Variants in HS3ST5 observed in about 807,000 individuals in gnomAD.
HS3ST5 encodes heparan sulfate glucosamine 3-O-sulfotransferase 5.
HS3ST5 carries 10 observed loss-of-function variants against 25.4 expected under a neutral mutation model. The observed-to-expected ratio is 0.39, with a 90% CI of 0.24 to 0.67. The LOEUF is 0.67. Among genes scored for constraint, HS3ST5 ranks in the 30% least tolerant of loss-of-function variants. HS3ST5 has a pLI of 0.44. For missense variants in HS3ST5, 324 were observed against 420.7 expected (o/e 0.77, Z 2.01); for synonymous variants, 170 against 162.4 (o/e 1.05, Z -0.36).
At chr6:114,241,340 G>A (rs888285071) in intron 1 of HS3ST5, among the ~76,000 whole-genome samples, 30 of 152,038 alleles carry the variant, frequency 2.0e-4, no homozygotes, top group African/African-American at 5.8e-4. Flanking sequence ...AGATTAATAC[G>A]GTTAATGTTT....
At chr6:114,082,759 T>C (rs1010390251) in intron 3 of HS3ST5, among the ~76,000 whole-genome samples, 1 of 152,230 alleles carries the variant, frequency 6.6e-6, no homozygotes, top group Non-Finnish European at 1.5e-5. Flanking sequence ...CCTTTTTCGA[T>C]TACCTGCTCC....
chr6:114,214,235 C>T (rs1255149223), intron 2 of HS3ST5, among the ~76,000 whole-genome samples: 1 of 152,206 alleles, frequency 6.6e-6, no homozygotes, highest in Non-Finnish European at 1.5e-5. Flanking sequence ...CTGTTATACC[C>T]TTTAACTAGC....
At chr6:114,338,303 C>CACATTGTGTATATATACACATACATAT in intron 1 of HS3ST5, among the ~76,000 whole-genome samples, 1 of 150,554 alleles carries the variant, frequency 6.6e-6, no homozygotes, top group Non-Finnish European at 1.5e-5. Context: ...TATATACATA[C>CACATTGTGTATATATACACATACATAT]ACATTGTGTA....
chr6:114,091,596 A>G (rs572383193), intron 3 of HS3ST5, among the ~76,000 whole-genome samples: 2 of 152,020 alleles, frequency 1.3e-5, no homozygotes, highest in African/African-American at 4.8e-5. Context: ...AGGCAGGAGA[A>G]TGGCATGAAC....
intron 3 of HS3ST5, among the ~76,000 whole-genome samples, chr6:114,075,856 G>A (rs765012999): frequency 5.9e-5 from 9 of 152,048 alleles, no homozygotes; most frequent in Non-Finnish European, 2.9e-5. Flanking sequence ...TTCTGTGGTC[G>A]TCCTTGAGGC....
At chr6:114,229,658 G>C (rs1381688378) in intron 1 of HS3ST5, among the ~76,000 whole-genome samples, 1 of 152,192 alleles carries the variant, frequency 6.6e-6, no homozygotes, top group Non-Finnish European at 1.5e-5. Context: ...ACCCCACTTT[G>C]GCTCCCCATT....
At chr6:114,070,018 T>C (rs1367013050) in intron 3 of HS3ST5, among the ~76,000 whole-genome samples, 1 of 152,006 alleles carries the variant, frequency 6.6e-6, no homozygotes, top group African/African-American at 2.4e-5. Flanking sequence ...CTAGTGGAGA[T>C]TTCTGAGATT....
intron 3 of HS3ST5, among the ~76,000 whole-genome samples, chr6:114,070,681 A>ATAT (rs1773765438): frequency 1.3e-5 from 2 of 151,982 alleles, no homozygotes; most frequent in Non-Finnish European, 2.9e-5. Context: ...CCTTCCCACA[A>ATAT]CACTGCCTCT....
At chr6:114,121,596 A>G (rs1340532371) in intron 3 of HS3ST5, among the ~76,000 whole-genome samples, 1 of 152,148 alleles carries the variant, frequency 6.6e-6, no homozygotes, top group East Asian at 1.9e-4. Flanking sequence ...AAAAAATACA[A>G]TACTAGTATT....
rs1779717398 is a variant in HS3ST5, at chr6:114,176,218, C to A, written c.-144-7756G>T. 2.6e-5 allele frequency among the ~76,000 whole-genome samples: 3 copies of A among 114,306 alleles called. No individual in the cohort carries two copies. The South Asian group carries it at 8.8e-4, about 34-fold the overall frequency. 75.0% of individuals were successfully genotyped at this position (114,306 alleles called of 152,430 possible). ...CAGTTCTTATTTCAAAAGACTGTTT[C>A]AAATTGATTCTGAGGAATTTGAGTT... On this transcript the variant is annotated intron_variant, in intron 2 of 4. Coordinates refer to ENST00000312719, the MANE Select transcript of HS3ST5 (RefSeq NM_153612.4).
At chr6:114,084,833 CTTT>C (rs372362974) in intron 3 of HS3ST5, 1,640 of 497,346 alleles carry the variant, frequency 3.3e-3, no homozygotes, top group East Asian at 5.4e-3. Flanking sequence ...CTTTTCTTTT[CTTT>C]TTTTTTTTTT....
At chr6:114,110,549 G>T (rs776186079) in intron 3 of HS3ST5, among the ~76,000 whole-genome samples, 2 of 152,168 alleles carry the variant, frequency 1.3e-5, no homozygotes, top group Non-Finnish European at 2.9e-5. Context: ...ATTTGCTTTG[G>T]AATGGTGGTA....
chr6:114,341,518 A>G (rs1207789800), intron 1 of HS3ST5, among the ~76,000 whole-genome samples: 1 of 152,150 alleles, frequency 6.6e-6, no homozygotes, highest in African/African-American at 2.4e-5. Flanking sequence ...TCAGCGCTCC[A>G]GTGAGTAGCG....
chr6:114,133,869 GCATGCATAGGGGTC>G (rs1777466562), intron 3 of HS3ST5, among the ~76,000 whole-genome samples: 1 of 152,028 alleles, frequency 6.6e-6, no homozygotes, highest in South Asian at 2.1e-4. Context: ...TGAATCTTGA[GCATGCATAGGGGTC>G]CATGCCTGGA....
intron 3 of HS3ST5, among the ~76,000 whole-genome samples, chr6:114,123,773 T>A (rs1329737014): frequency 6.6e-6 from 1 of 152,244 alleles, no homozygotes; most frequent in Non-Finnish European, 1.5e-5. Flanking sequence ...CTTGCAAGTA[T>A]AAATGTTACT....
At chr6:114,145,541 G>A (rs1271832500) in intron 3 of HS3ST5, among the ~76,000 whole-genome samples, 3 of 152,178 alleles carry the variant, frequency 2.0e-5, no homozygotes, top group African/African-American at 7.2e-5. Flanking sequence ...TGCCTGATTA[G>A]AAGGAGGGAG....
At chr6:114,239,016 T>C (rs974286909) in intron 1 of HS3ST5, 1 of 152,220 alleles carries the variant, frequency 6.6e-6, no homozygotes, top group Admixed American at 6.5e-5. Context: ...AGACAGATCA[T>C]ACTTTTCTAA....
chr6:114,149,694 A>G (rs1022551254), intron 3 of HS3ST5, among the ~76,000 whole-genome samples: 7 of 152,140 alleles, frequency 4.6e-5, no homozygotes, highest in African/African-American at 1.7e-4. Flanking sequence ...ACATGTAACA[A>G]GCCTGCACAT....
chr6:114,109,816 A>G (rs1889555), intron 3 of HS3ST5, among the ~76,000 whole-genome samples: 11,718 of 152,210 alleles, frequency 0.077, 558 homozygotes, highest in East Asian at 0.13. Context: ...ATATTTATTT[A>G]TTGCCTACTA....
Sources: allele counts gnomAD v4.1 joint callset (sites outside exome capture counted in the v4.1 genomes callset), GRCh38; gene constraint gnomAD v4.1.1; transcripts MANE v1.5; gene names NCBI Gene and HGNC (gene_info 2026-07-23, HGNC 2026-07-21).